The following LETM1 variants were observed in gnomAD, a reference collection of about 807,000 sequenced individuals.
LETM1 encodes the protein mitochondrial proton/calcium exchanger protein.
A neutral mutation model predicts 74.5 loss-of-function variants in LETM1; 50 were observed. That is an observed-to-expected ratio of 0.67 (90% CI 0.53 to 0.85). The LOEUF is 0.85. Among genes scored for constraint, LETM1 ranks in the 40% least tolerant of loss-of-function variants. The pLI, the probability that LETM1 is intolerant of heterozygous loss-of-function variation, is 0.00. For synonymous variants in LETM1, 446 were observed against 407.1 expected, an observed-to-expected ratio of 1.10 and a Z score of -1.15; for missense variants, 824 against 967.8, an observed-to-expected ratio of 0.85 and a Z score of 1.97.
intron 2 of LETM1, among the ~76,000 whole-genome samples, chr4:1,848,517 C>T (rs1170763815): frequency 2.7e-5 from 4 of 148,898 alleles, no homozygotes; most frequent in Non-Finnish European, 3.0e-5. Context: ...CACTGCACTC[C>T]AGCCTGGGTG....
chr4:1,844,348 CCCAA>C (rs1317464607), intron 2 of LETM1, among the ~76,000 whole-genome samples: 1 of 152,218 alleles, frequency 6.6e-6, no homozygotes, highest in Non-Finnish European at 1.5e-5. Context: ...AGTTTGCTTA[CCCAA>C]AGTCTGGGTG....
In LETM1 at chr4:1,841,345, A is replaced by C. The variant is rs1248097955; in HGVS notation, c.594+2T>G. On this transcript the variant is annotated splice_donor_variant, in intron 3 of 13. Transcript: ENST00000302787. LOFTEE classifies it high-confidence loss of function. ...AGAAAGGACTAGACATGTCCCCATTACCTGCCTGCGCTCCCGGCGGGTCAG... is the reference window on the plus strand; with the variant it reads ...AGAAAGGACTAGACATGTCCCCATTCCCTGCCTGCGCTCCCGGCGGGTCAG... The C allele has an allele frequency of 6.2e-7, 1 of 1,611,772 alleles. No homozygotes were observed. The highest frequency in any genetic ancestry group is 8.5e-7 in the Non-Finnish European group (1 of 1,178,144).
In LETM1 at chr4:1,848,349, C is replaced by A. The variant is rs566889202; in HGVS notation, c.143+800G>T. ...GGATCACGAGGTCAGGAGATTGAGA[C>A]CATCCTGGCTAACACGGTGAAACCC... On this transcript the variant is annotated intron_variant, in intron 2 of 13. Coordinates refer to ENST00000302787, the MANE Select transcript of LETM1 (RefSeq NM_012318.3). 6.6e-5 allele frequency among the ~76,000 whole-genome samples: 10 copies of A among 152,090 alleles called. No individual in the cohort carries two copies. In the East Asian group the frequency reaches 1.9e-3, roughly 29 times the overall value.
chr4:1,814,648 C>T (rs955756338), intron 13 of LETM1, 75 bp from the exon 14 acceptor site: 48 of 1,327,562 alleles, frequency 3.6e-5, no homozygotes, highest in Non-Finnish European at 4.5e-5. Context: ...GGGCCAGCGC[C>T]GTCAGTCGCC....
intron 5 of LETM1, 54 bp from the exon 6 acceptor site, chr4:1,833,001 T>A: frequency 6.5e-7 from 1 of 1,534,258 alleles, no homozygotes; most frequent in South Asian, 1.1e-5. Flanking sequence ...CCCGGCTCCC[T>A]CCCACGACCA....
chr4:1,815,222 C>A (rs367566512), intron 13 of LETM1, among the ~76,000 whole-genome samples: 2 of 152,244 alleles, frequency 1.3e-5, no homozygotes, highest in Non-Finnish European at 2.9e-5. Flanking sequence ...CAGCAGTCAC[C>A]TCTCAGCCTT....
rs201541239 is a variant in LETM1 at position 1,849,222 on chromosome 4, C to T, written c.83-13G>A. On this transcript the variant is annotated splice_polypyrimidine_tract_variant and intron_variant, in intron 1 of 13. Coordinates refer to ENST00000302787, the MANE Select transcript of LETM1 (RefSeq NM_012318.3). ...TCCCCTGGACTACCTGTAACAGGAA[C>T]AGGGGAAAATAAATGAGTAGTAAAT... 1.9e-6 allele frequency: 3 copies of T among 1,601,992 alleles called. No homozygotes were observed. The highest frequency in any genetic ancestry group is 3.3e-5 in the Admixed American group (2 of 59,956).
intron 5 of LETM1, 142 bp from the exon 6 acceptor site, chr4:1,833,089 T>C: frequency 1.4e-6 from 1 of 692,476 alleles, no homozygotes. Context: ...TTTTTTTGTT[T>C]GAGACAGGGT....
chr4:1,853,849 C>G (rs895923791), intron 1 of LETM1, among the ~76,000 whole-genome samples: 1 of 152,188 alleles, frequency 6.6e-6, no homozygotes, highest in African/African-American at 2.4e-5. Flanking sequence ...AGCCCTGGGT[C>G]TCGCTGGCTC....
intron 2 of LETM1, among the ~76,000 whole-genome samples, chr4:1,845,854 TTATTA>T (rs1251939576): frequency 6.6e-6 from 1 of 151,700 alleles, no homozygotes; most frequent in African/African-American, 2.4e-5. Context: ...TCATCCATAA[TTATTA>T]TATTATTATT....
At chr4:1,838,244 C>T (rs913221401) in intron 3 of LETM1, among the ~76,000 whole-genome samples, 15 of 151,922 alleles carry the variant, frequency 9.9e-5, no homozygotes, top group South Asian at 4.2e-4. Context: ...GGATTACACG[C>T]GCCCGCCACC....
At chr4:1,853,265 G>A (rs1299199342) in intron 1 of LETM1, among the ~76,000 whole-genome samples, 1 of 152,196 alleles carries the variant, frequency 6.6e-6, no homozygotes, top group Non-Finnish European at 1.5e-5. Flanking sequence ...CACAGCCCTT[G>A]GAGTCAGCCC....
intron 3 of LETM1, 110 bp downstream of exon 3, chr4:1,841,237 C>A (rs757480732): frequency 6.6e-5 from 63 of 952,820 alleles, no homozygotes; most frequent in Non-Finnish European, 8.3e-5. Context: ...CCCAGATACT[C>A]GGGAGGCTGA....
intron 2 of LETM1, among the ~76,000 whole-genome samples, chr4:1,845,157 C>A (rs533855661): frequency 6.6e-6 from 1 of 152,012 alleles, no homozygotes; most frequent in East Asian, 1.9e-4. Flanking sequence ...GCCACTACAC[C>A]CCAGCCTGGG....
In LETM1 at chr4:1,823,705, G is replaced by A. The variant is rs781703067; in HGVS notation, c.1271C>T (p.Pro424Leu). Residue 424 changes from proline to leucine, a missense_variant, in exon 8 of 14, where the codon CCG (proline) becomes CTG (leucine). By Grantham distance (98) the Pro-to-Leu change is moderately conservative. Around this residue, in one of 4 missense-constraint regions of LETM1, gnomAD observed 172 missense variants for 170.7 expected, o/e 1.01. Transcript: ENST00000302787. ...LLILSRAMYL[P>L]DTLSPADQLK... ...CTGGTCGGCTGGAGAGAGGGTGTCC[G>A]GGAGGTACATGGCCCGGGACAGGAT... is the stretch of plus-strand genomic sequence containing the variant. 18 of 1,613,832 alleles carry A rather than the reference G, an allele frequency of 1.1e-5. No homozygotes were observed. Among genetic ancestry groups the A allele is most frequent in the African/African-American group, 1.3e-5 (1 of 74,898 alleles).
chr4:1,835,450 AC>A (rs1283429869), intron 4 of LETM1, among the ~76,000 whole-genome samples: 7 of 151,442 alleles, frequency 4.6e-5, no homozygotes, highest in Non-Finnish European at 8.8e-5. Context: ...CAAAAAAAAA[AC>A]AAAAACAAAA....
At chr4:1,849,707 C>A (rs1353008958) in intron 1 of LETM1, among the ~76,000 whole-genome samples, 2 of 152,218 alleles carry the variant, frequency 1.3e-5, no homozygotes, top group African/African-American at 4.8e-5. Flanking sequence ...CAGGTGTGCA[C>A]CATCAGGCCA....
Position 1,836,717 on chromosome 4 carries a change from C to A in LETM1, c.595-145G>T. ...CCACTGAGGACTCTAAGTTCCAGAA[C>A]CACTTAGCAGACCATTCCCAAAACC... On this transcript the variant is annotated intron_variant, in intron 3 of 13. Coordinates refer to ENST00000302787, the MANE Select transcript of LETM1 (RefSeq NM_012318.3). The surrounding 1 kb of genome is among the most constrained non-coding windows in gnomAD (Gnocchi z 5.8). The A allele has an allele frequency of 1.2e-6, 1 of 833,540 alleles. No individual in the cohort carries two copies. The highest frequency in any genetic ancestry group is 1.9e-6 in the Non-Finnish European group (1 of 539,832). 51.6% of individuals were successfully genotyped at this position (833,540 alleles called of 1,614,324 possible).
rs760606002 is a variant in LETM1, at chr4:1,841,596, G to A, written c.345C>T (p.Arg115=). Residue 115 remains arginine (R), a synonymous_variant, in exon 3 of 14, where the codon CGC becomes CGT. Transcript: ENST00000302787. ...VRGWHSSRPV[R]DDSVVEKSLK... is the part of the protein sequence containing the mutation. ...GGGACTTCTCTACTACCGAGTCATC[G>A]CGAACAGGGCGCGAAGAGTGCCAGC... The A allele has an allele frequency of 1.5e-5, 24 of 1,614,174 alleles. No homozygotes were observed. The highest frequency in any genetic ancestry group is 1.1e-4 in the South Asian group (10 of 91,084).
Sources: gnomAD v4.1 joint callset for allele counts (sites outside exome capture counted in the v4.1 genomes callset) on GRCh38, gnomAD v4.1.1 for gene constraint, gnomAD v4.1.1 regional missense constraint, Gnocchi (gnomAD v3.1) non-coding constraint, MANE v1.5 for transcripts, NCBI Gene and HGNC (gene_info 2026-07-23, HGNC 2026-07-21) for gene names.